NRROS: variants seen among roughly 807,000 people sequenced by gnomAD.
NRROS encodes the protein negative regulator of reactive oxygen species, also known as transforming growth factor beta activator LRRC33.
A neutral mutation model predicts 12.0 loss-of-function variants in NRROS; 6 were observed. The observed-to-expected ratio is 0.50, with a 90% CI of 0.27 to 0.98. NRROS has a LOEUF of 0.98. Among genes scored for constraint, NRROS ranks in the 50% least tolerant of loss-of-function variants. NRROS has a pLI of 0.11. For synonymous variants in NRROS, 462 were observed against 410.2 expected, an observed-to-expected ratio of 1.13 and a Z score of -1.53; for missense variants, 857 against 888.2, an observed-to-expected ratio of 0.96 and a Z score of 0.45.
At position 196,661,698 on chromosome 3, in the gene NRROS, C is replaced by T; in HGVS notation, c.2055C>T (p.Arg685=). ...CTCTGCTTCAGGTCATCAAGAGCCG[C>T]TGCCACTGGTCCTCCGTTTACTGAC... ...KKPLLQVIKS[R]CHWSSVY Residue 685 remains arginine, a synonymous_variant, in exon 3 of 3, where the codon CGC becomes CGT. Transcript: ENST00000328557. The T allele has an allele frequency of 6.3e-7, 1 of 1,594,844 alleles. No individual in the cohort carries two copies. The highest frequency in any genetic ancestry group is 1.1e-5 in the South Asian group (1 of 90,924).
At chr3:196,645,100 A>G (rs1190875639) in intron 1 of NRROS, among the ~76,000 whole-genome samples, 1 of 152,222 alleles carries the variant, frequency 6.6e-6, no homozygotes, top group African/African-American at 2.4e-5. Flanking sequence ...ATAATAAGAA[A>G]TTAGAAAACT....
chr3:196,659,693 A>G (rs960377540), intron 2 of NRROS, 59 bp from the exon 3 acceptor site: 42 of 1,514,366 alleles, frequency 2.8e-5, no homozygotes, highest in Non-Finnish European at 3.6e-5. Flanking sequence ...CTAAGTTTCT[A>G]TGCATAAATG....
intron 1 of NRROS, among the ~76,000 whole-genome samples, chr3:196,641,775 C>T (rs966680170): frequency 8.5e-5 from 13 of 152,178 alleles, no homozygotes; most frequent in African/African-American, 3.1e-4. Flanking sequence ...TGCGTCCACA[C>T]TGCACAGTGT....
intron 1 of NRROS, among the ~76,000 whole-genome samples, chr3:196,642,358 C>T (rs1737225590): frequency 6.6e-6 from 1 of 151,840 alleles, no homozygotes; most frequent in South Asian, 2.1e-4. Context: ...TCAGGCATGG[C>T]TGAGTCCAGA....
At chr3:196,659,719 C>T (rs1404364262) in intron 2 of NRROS, 33 bp from the exon 3 acceptor site, 3 of 1,578,598 alleles carry the variant, frequency 1.9e-6, no homozygotes, top group Non-Finnish European at 2.6e-6. Flanking sequence ...CTCTGGGCCT[C>T]CTCGCTGCTG....
intron 1 of NRROS, among the ~76,000 whole-genome samples, chr3:196,649,388 G>A (rs1364275280): frequency 2.0e-5 from 3 of 152,208 alleles, no homozygotes; most frequent in Non-Finnish European, 4.4e-5. Flanking sequence ...GTGTCCATGA[G>A]TGTCACTGTC....
chr3:196,650,451 T>C (rs1408153675), intron 1 of NRROS, among the ~76,000 whole-genome samples: 2 of 152,072 alleles, frequency 1.3e-5, no homozygotes, highest in Non-Finnish European at 2.9e-5. Context: ...GCCATTTTTG[T>C]ATTTTTTTTA....
rs973108330 is a variant in NRROS at position 196,657,283 on chromosome 3, C to T, written c.109-2469C>T. 7.2e-5 allele frequency among the ~76,000 whole-genome samples: 11 copies of T among 152,046 alleles called. 1 individual carries two copies. The highest frequency in any genetic ancestry group is 1.7e-4 in the African/African-American group (7 of 41,492). The stretch of plus-strand genomic sequence containing the variant: ...ATATGGTCCTTCTACATCACTTCAG[C>T]GGGGCCACAGGGAATTGCAGAGGTG... On this transcript the variant is annotated intron_variant, in intron 2 of 2. Coordinates refer to ENST00000328557, the MANE Select transcript of NRROS (RefSeq NM_198565.3).
At chr3:196,658,858 T>C (rs1385484518) in intron 2 of NRROS, among the ~76,000 whole-genome samples, 1 of 152,074 alleles carries the variant, frequency 6.6e-6, no homozygotes, top group Admixed American at 6.5e-5. Flanking sequence ...TAATCCCAGC[T>C]ACTCGGGAGG....
chr3:196,648,501 T>C (rs1737352392), intron 1 of NRROS, among the ~76,000 whole-genome samples: 1 of 152,122 alleles, frequency 6.6e-6, no homozygotes, highest in African/African-American at 2.4e-5. Context: ...GCTCAGTGGC[T>C]CACGACTGTA....
chr3:196,648,898 T>C (rs924969948), intron 1 of NRROS, among the ~76,000 whole-genome samples: 4 of 152,142 alleles, frequency 2.6e-5, no homozygotes, highest in Admixed American at 1.3e-4. Flanking sequence ...TCTTTGATTT[T>C]CAAGACTGAC....
At chr3:196,649,328 G>A (rs371913009) in intron 1 of NRROS, among the ~76,000 whole-genome samples, 77 of 152,264 alleles carry the variant, frequency 5.1e-4, no homozygotes, top group African/African-American at 1.9e-3. Flanking sequence ...GCAGTCAAAG[G>A]CAGACTCCCT....
rs1282438651 is a variant in NRROS, at chr3:196,643,329, G to A, written c.-14+3454G>A. On this transcript the variant is annotated intron_variant, in intron 1 of 2. Coordinates refer to ENST00000328557, the MANE Select transcript of NRROS (RefSeq NM_198565.3). ...CCTGAGGGATTTCAGAGTGAACAGA[G>A]TGAAGAAAGGAGGAAGTGGAACCTC... is the stretch of plus-strand genomic sequence containing the variant. 2.0e-5 allele frequency among the ~76,000 whole-genome samples: 3 copies of A among 152,186 alleles called. No individual in the cohort carries two copies. In the East Asian group the frequency reaches 5.8e-4, roughly 29 times the overall value.
intron 1 of NRROS, among the ~76,000 whole-genome samples, chr3:196,651,909 A>G (rs1160262379): frequency 6.6e-6 from 1 of 152,184 alleles, no homozygotes; most frequent in Non-Finnish European, 1.5e-5. Context: ...TCTGCCCTCT[A>G]CTGTCTGACC....
intron 1 of NRROS, among the ~76,000 whole-genome samples, chr3:196,645,145 C>T (rs1311853138): frequency 6.6e-6 from 1 of 152,124 alleles, no homozygotes; most frequent in Non-Finnish European, 1.5e-5. Flanking sequence ...AATACACTGC[C>T]ATATGAATTA....
At position 196,659,920 on chromosome 3, in the gene NRROS, C is replaced by G. The variant is rs370016803; in HGVS notation, c.277C>G (p.Leu93Val). ...GAGCCTCAGCCTGCACAGCTGCCAC[C>G]TGGAGCGCATCAGCCGCGGCGCCTT... ...LESLSLHSCH[L>V]ERISRGAFQE... The change falls in exon 3 of 3, where the codon CTG becomes GTG. Residue 93 changes from leucine (L) to valine (V), a missense_variant. Transcript: ENST00000328557. The G allele has an allele frequency of 3.5e-5, 56 of 1,614,114 alleles. 1 individual carries two copies. The South Asian group carries it at 5.9e-4, about 17-fold the overall frequency.
chr3:196,658,957 A>G lies in NRROS; in HGVS notation c.109-795A>G, dbSNP rs908386193. On this transcript the variant is annotated intron_variant, in intron 2 of 2. Transcript: ENST00000328557. Reference sequence around the variant, plus strand: ...TGCACTCCAGCCTGGGTGACAGGGTAAGACTTCATCTCAAAAAAACAAAAA... The same window carrying G: ...TGCACTCCAGCCTGGGTGACAGGGTGAGACTTCATCTCAAAAAAACAAAAA... 7.9e-5 allele frequency among the ~76,000 whole-genome samples: 12 copies of G among 152,168 alleles called. 1 individual carries two copies. Among genetic ancestry groups the G allele is most frequent in the Admixed American group, 6.5e-4 (10 of 15,274 alleles).
At chr3:196,655,163 A>T (rs1409994311) in intron 2 of NRROS, among the ~76,000 whole-genome samples, 13 of 151,328 alleles carry the variant, frequency 8.6e-5, no homozygotes, top group African/African-American at 2.2e-4. Context: ...TGAGCCCAGG[A>T]AGTGGAGGTT....
Position 196,654,384 on chromosome 3 carries a change from G to A in NRROS, c.-13-143G>A, listed in dbSNP as rs1737492264. ...GTCTTGGCTAAATGGAGGTATCTGAGTATCCTGTGGGCTGCACCTCTATGG... is the reference window on the plus strand; with the variant it reads ...GTCTTGGCTAAATGGAGGTATCTGAATATCCTGTGGGCTGCACCTCTATGG... On this transcript the variant is annotated intron_variant, in intron 1 of 2. Coordinates refer to ENST00000328557, the MANE Select transcript of NRROS (RefSeq NM_198565.3). This position sits in a 1 kb window ranked among gnomAD's most constrained non-coding sequence, Gnocchi z 4.4. 33 of 630,762 alleles carry A rather than the reference G, an allele frequency of 5.2e-5. No individual in the cohort carries two copies. In the South Asian group the frequency reaches 5.4e-4, roughly 10 times the overall value. The allele number at this position is 630,762 out of a possible 1,614,324, so 39.1% of individuals were successfully genotyped here.
Sources: allele counts gnomAD v4.1 joint callset (sites outside exome capture counted in the v4.1 genomes callset), GRCh38; gene constraint gnomAD v4.1.1; non-coding constraint Gnocchi (gnomAD v3.1); transcripts MANE v1.5; gene names NCBI Gene and HGNC (gene_info 2026-07-23, HGNC 2026-07-21).